JARID2: variants seen among roughly 807,000 people sequenced by gnomAD.
JARID2 encodes the protein protein Jumonji.
In JARID2, 21 loss-of-function variants were observed where a neutral mutation model predicts 125.6. The observed-to-expected ratio is 0.17, with a 90% CI of 0.12 to 0.24. The LOEUF (loss-of-function observed/expected upper bound fraction) is 0.24. JARID2 is among the 10% of genes least tolerant of loss of function. The pLI, the probability that JARID2 is intolerant of heterozygous loss-of-function variation, is 1.00. For synonymous variants in JARID2, 736 were observed against 661.6 expected, an observed-to-expected ratio of 1.11 and a Z score of -1.73; for missense variants, 1,303 against 1,639.6, an observed-to-expected ratio of 0.79 and a Z score of 3.55.
At chr6:15,309,881 A>G (rs897244453) in intron 1 of JARID2, among the ~76,000 whole-genome samples, 8 of 152,152 alleles carry the variant, frequency 5.3e-5, no homozygotes, top group African/African-American at 1.9e-4. Flanking sequence ...GAGTTTAGGA[A>G]GAGGGATGGA....
chr6:15,274,407 A>G (rs1263271677), intron 1 of JARID2, among the ~76,000 whole-genome samples: 5 of 152,174 alleles, frequency 3.3e-5, no homozygotes, highest in Non-Finnish European at 7.3e-5. Flanking sequence ...TTTAATTTTT[A>G]CAGAGAAAAA....
chr6:15,295,602 A>G (rs1761384243), intron 1 of JARID2, among the ~76,000 whole-genome samples: 1 of 152,214 alleles, frequency 6.6e-6, no homozygotes, highest in Non-Finnish European at 1.5e-5. Context: ...TGTATGATGA[A>G]GACCGGTTTC....
chr6:15,296,164 C>T (rs1489482342), intron 1 of JARID2, among the ~76,000 whole-genome samples: 1 of 152,176 alleles, frequency 6.6e-6, no homozygotes, highest in Non-Finnish European at 1.5e-5. Flanking sequence ...ACACCAGTGC[C>T]TTGGTCAGTA....
chr6:15,373,050 G>GTC (rs1561820009), intron 1 of JARID2, among the ~76,000 whole-genome samples: 1 of 152,156 alleles, frequency 6.6e-6, no homozygotes, highest in Non-Finnish European at 1.5e-5. Flanking sequence ...GCTTAATTAA[G>GTC]TCTGATGTAG....
At chr6:15,271,812 C>T (rs186963431) in intron 1 of JARID2, among the ~76,000 whole-genome samples, 2 of 152,320 alleles carry the variant, frequency 1.3e-5, no homozygotes, top group South Asian at 2.1e-4. Context: ...CAATCCTGGC[C>T]AACATGGTGA....
chr6:15,352,082 T>G (rs1763448867), intron 1 of JARID2, among the ~76,000 whole-genome samples: 1 of 152,214 alleles, frequency 6.6e-6, no homozygotes, highest in African/African-American at 2.4e-5. Context: ...CTCTTTTCTG[T>G]CCGACGTAAG....
intron 1 of JARID2, among the ~76,000 whole-genome samples, chr6:15,303,117 AATTG>A (rs2127414477): frequency 6.6e-6 from 1 of 152,348 alleles, no homozygotes; most frequent in East Asian, 1.9e-4. Flanking sequence ...TTATAATCCT[AATTG>A]ATAATTTATA....
At chr6:15,355,090 A>G (rs1763553428) in intron 1 of JARID2, among the ~76,000 whole-genome samples, 1 of 152,200 alleles carries the variant, frequency 6.6e-6, no homozygotes, top group African/African-American at 2.4e-5. Flanking sequence ...ACTGGATGTC[A>G]TGCAAAGGGT....
chr6:15,326,660 C>T (rs1461128134), intron 1 of JARID2, among the ~76,000 whole-genome samples: 1 of 152,234 alleles, frequency 6.6e-6, no homozygotes, highest in African/African-American at 2.4e-5. Flanking sequence ...TGCCACTGCA[C>T]ATGGATAATT....
intron 13 of JARID2, among the ~76,000 whole-genome samples, chr6:15,511,686 G>A (rs1002579092): frequency 6.6e-6 from 1 of 152,180 alleles, no homozygotes; most frequent in African/African-American, 2.4e-5. Flanking sequence ...CTACCTTCTG[G>A]GCATGTGAGA....
intron 5 of JARID2, among the ~76,000 whole-genome samples, chr6:15,475,062 T>G (rs188183032): frequency 4.9e-4 from 74 of 152,326 alleles, no homozygotes; most frequent in Admixed American, 1.4e-3. Flanking sequence ...AGATCAAATG[T>G]TGGCAACAGT....
intron 4 of JARID2, among the ~76,000 whole-genome samples, chr6:15,460,937 T>G (rs1768416581): frequency 6.6e-6 from 1 of 152,210 alleles, no homozygotes; most frequent in Admixed American, 6.5e-5. Context: ...ACTCCTGACC[T>G]CAGGGTATCT....
At chr6:15,391,689 T>C (rs1181516414) in intron 2 of JARID2, among the ~76,000 whole-genome samples, 1 of 152,210 alleles carries the variant, frequency 6.6e-6, no homozygotes, top group Non-Finnish European at 1.5e-5. Context: ...AAAAATTTGA[T>C]ATGTTGGAAT....
chr6:15,520,049 T>C lies in JARID2; in HGVS notation c.3559-20T>C. 2 of 1,604,316 alleles carry C rather than the reference T, an allele frequency of 1.2e-6. No homozygotes were observed. The highest frequency in any genetic ancestry group is 8.5e-7 in the Non-Finnish European group (1 of 1,175,024). ...GTTAATACGGTATGTTAACTGTGTC[T>C]TCCTTTCACCCCCAAACAGGAACAG... On this transcript the variant is annotated intron_variant, in intron 17 of 17. Transcript: ENST00000341776.
intron 3 of JARID2, among the ~76,000 whole-genome samples, chr6:15,448,425 C>G: frequency 6.6e-6 from 1 of 152,128 alleles, no homozygotes; most frequent in South Asian, 2.1e-4. Flanking sequence ...GCTGCACAAT[C>G]TTCTCATCGT....
At chr6:15,397,300 A>T (rs1024349325) in intron 2 of JARID2, among the ~76,000 whole-genome samples, 1 of 152,190 alleles carries the variant, frequency 6.6e-6, no homozygotes, top group Non-Finnish European at 1.5e-5. Flanking sequence ...ATAACACAGA[A>T]ATATCATTAC....
At chr6:15,284,424 A>C (rs1459744163) in intron 1 of JARID2, among the ~76,000 whole-genome samples, 1 of 152,176 alleles carries the variant, frequency 6.6e-6, no homozygotes, top group Non-Finnish European at 1.5e-5. Context: ...ATATATAGGA[A>C]ACAGCTCTGG....
At chr6:15,488,899 T>C (rs528551652) in intron 6 of JARID2, among the ~76,000 whole-genome samples, 1 of 152,244 alleles carries the variant, frequency 6.6e-6, no homozygotes, top group South Asian at 2.1e-4. Context: ...GGCCACACCA[T>C]GTGCTCACCT....
chr6:15,292,566 C>T (rs574210965), intron 1 of JARID2, among the ~76,000 whole-genome samples: 12 of 152,212 alleles, frequency 7.9e-5, no homozygotes, highest in South Asian at 2.1e-4. Context: ...TCCTGAGTCC[C>T]GGTGAGGCTC....
Sources: gnomAD v4.1 joint callset for allele counts (sites outside exome capture counted in the v4.1 genomes callset) on GRCh38, gnomAD v4.1.1 for gene constraint, MANE v1.5 for transcripts, NCBI Gene and HGNC (gene_info 2026-07-23, HGNC 2026-07-21) for gene names.